The following RSU1 variants were observed in gnomAD, a reference collection of about 807,000 sequenced individuals.
RSU1 encodes the protein Ras suppressor protein 1.
A neutral mutation model predicts 31.1 loss-of-function variants in RSU1; 26 were observed. The ratio of observed to expected loss-of-function variants is 0.84; its 90% CI spans 0.61 to 1.16. The LOEUF is 1.16. Ranked by LOEUF, RSU1 falls within the 50% of genes most tolerant of loss-of-function variation. RSU1 has a pLI of 0.00. For missense variants in RSU1, 320 were observed against 339.1 expected, an observed-to-expected ratio of 0.94 and a Z score of 0.44; for synonymous variants, 164 against 136.3, an observed-to-expected ratio of 1.20 and a Z score of -1.41.
chr10:16,788,540 A>G lies in RSU1; in HGVS notation c.110-6456T>C, dbSNP rs919621885. Among the ~76,000 whole-genome samples, 24 of 152,284 alleles carry G rather than the reference A, an allele frequency of 1.6e-4. No individual in the cohort carries two copies. The Middle Eastern group carries it at 0.01, about 65-fold the overall frequency. ...AGTAAGACAGCCCTCACCGGACACAATGCATCCGTCAGTACCTTGATCTTG... is the reference window on the plus strand; with the variant it reads ...AGTAAGACAGCCCTCACCGGACACAGTGCATCCGTCAGTACCTTGATCTTG... On this transcript the variant is annotated intron_variant, in intron 2 of 8. Transcript: ENST00000345264.
At chr10:16,784,376 C>T (rs575473644) in intron 2 of RSU1, among the ~76,000 whole-genome samples, 3 of 152,236 alleles carry the variant, frequency 2.0e-5, no homozygotes, top group Non-Finnish European at 4.4e-5. Context: ...TCTGGCATTG[C>T]TATAAAGAAA....
At chr10:16,598,391 A>G (rs1833657132) in intron 8 of RSU1, among the ~76,000 whole-genome samples, 1 of 151,872 alleles carries the variant, frequency 6.6e-6, no homozygotes, top group Non-Finnish European at 1.5e-5. Flanking sequence ...GTAAAGTAAA[A>G]AAAAAAAAAT....
chr10:16,726,914 C>A (rs45438691), intron 7 of RSU1: 2 of 385,762 alleles, frequency 5.2e-6, no homozygotes, highest in Admixed American at 5.7e-5. Context: ...TGCAGAAGGG[C>A]GTTGCATATG....
At chr10:16,748,027 CTG>C (rs1053281592) in intron 7 of RSU1, 1 of 152,244 alleles carries the variant, frequency 6.6e-6, no homozygotes, top group African/African-American at 2.4e-5. Context: ...ACATGAGACT[CTG>C]TGTCTAAATA....
intron 7 of RSU1, among the ~76,000 whole-genome samples, chr10:16,715,444 A>C (rs1158127718): frequency 6.6e-6 from 1 of 152,232 alleles, no homozygotes; most frequent in South Asian, 2.1e-4. Flanking sequence ...TAGTTCTTAC[A>C]TTTAGGTTTT....
chr10:16,715,295 T>C (rs1026221593), intron 7 of RSU1, among the ~76,000 whole-genome samples: 4 of 152,222 alleles, frequency 2.6e-5, no homozygotes, highest in Non-Finnish European at 4.4e-5. Flanking sequence ...TGCACAAAAT[T>C]CTTAAATTTT....
chr10:16,786,629 T>C (rs1173284874), intron 2 of RSU1, among the ~76,000 whole-genome samples: 1 of 152,100 alleles, frequency 6.6e-6, no homozygotes, highest in Admixed American at 6.5e-5. Flanking sequence ...TGTACTGATT[T>C]CACTGTCTAC....
At chr10:16,727,617 C>T (rs952371416) in intron 7 of RSU1, among the ~76,000 whole-genome samples, 7 of 152,166 alleles carry the variant, frequency 4.6e-5, no homozygotes, top group African/African-American at 7.2e-5. Flanking sequence ...GAGAACATTT[C>T]GTATTTTTCA....
intron 7 of RSU1, among the ~76,000 whole-genome samples, chr10:16,696,211 A>G (rs1762266906): frequency 6.6e-6 from 1 of 152,154 alleles, no homozygotes; most frequent in Admixed American, 6.5e-5. Flanking sequence ...GACACAGCAA[A>G]GATTTTTGCT....
intron 4 of RSU1, among the ~76,000 whole-genome samples, chr10:16,762,791 G>A (rs1179590980): frequency 1.3e-5 from 2 of 152,008 alleles, no homozygotes; most frequent in Non-Finnish European, 2.9e-5. Flanking sequence ...GGAGGCAGAC[G>A]GACATGAGGT....
chr10:16,672,150 A>G, intron 8 of RSU1, among the ~76,000 whole-genome samples: 1 of 150,970 alleles, frequency 6.6e-6, no homozygotes, highest in African/African-American at 2.4e-5. Context: ...TACAAAAAAA[A>G]AAAAAAAAAA....
At chr10:16,765,436 A>G (rs1265380559) in intron 3 of RSU1, among the ~76,000 whole-genome samples, 1 of 152,206 alleles carries the variant, frequency 6.6e-6, no homozygotes, top group Non-Finnish European at 1.5e-5. Context: ...TCAACTCAGT[A>G]GCATGCTATG....
chr10:16,805,666 C>CAAAAAAA (rs35267148), intron 2 of RSU1, among the ~76,000 whole-genome samples: 1 of 78,768 alleles, frequency 1.3e-5, no homozygotes, highest in Non-Finnish European at 2.9e-5. Context: ...GACTCCGTCT[C>CAAAAAAA]AAAAAAAAAA....
chr10:16,740,238 T>C (rs945414575), intron 7 of RSU1, among the ~76,000 whole-genome samples: 2 of 151,578 alleles, frequency 1.3e-5, no homozygotes, highest in African/African-American at 4.8e-5. Flanking sequence ...CAGAAATATA[T>C]AAAAAGGAAG....
At chr10:16,768,148 A>G (rs151168477) in intron 3 of RSU1, among the ~76,000 whole-genome samples, 169 of 152,296 alleles carry the variant, frequency 1.1e-3, no homozygotes, top group African/African-American at 3.9e-3. Flanking sequence ...CTGACCTATG[A>G]CACCAAAGGA....
chr10:16,591,547 C>A lies in RSU1; in HGVS notation c.*1847G>T, dbSNP rs1050496638. 1.3e-5 allele frequency: 2 copies of A among 152,144 alleles called. No individual in the cohort carries two copies. The highest frequency in any genetic ancestry group is 4.8e-5 in the African/African-American group (2 of 41,424). 9.4% of individuals were successfully genotyped at this position (152,144 alleles called of 1,614,324 possible). On this transcript the variant is annotated 3_prime_UTR_variant, in exon 9 of 9. Transcript: ENST00000345264. Reference sequence around the variant, plus strand: ...TTACTCCTCTTGCACTTAATACTGCCTTAAAAAATATTTGCACATTTCTCT... The same window carrying A: ...TTACTCCTCTTGCACTTAATACTGCATTAAAAAATATTTGCACATTTCTCT...
intron 8 of RSU1, among the ~76,000 whole-genome samples, chr10:16,648,141 T>G (rs1564299685): frequency 6.6e-6 from 1 of 151,300 alleles, no homozygotes. Context: ...AATTTTTTTT[T>G]TTTTTTAAGA....
chr10:16,657,070 C>T (rs1834797323), intron 8 of RSU1, among the ~76,000 whole-genome samples: 1 of 152,122 alleles, frequency 6.6e-6, no homozygotes, highest in Non-Finnish European at 1.5e-5. Context: ...GTCAGTGTAA[C>T]AAGCTGAAAA....
chr10:16,619,407 G>T (rs1834032346), intron 8 of RSU1, among the ~76,000 whole-genome samples: 1 of 152,196 alleles, frequency 6.6e-6, no homozygotes, highest in Admixed American at 6.5e-5. Flanking sequence ...GGGAACAACT[G>T]CTGTGATTCA....
Sources: allele counts gnomAD v4.1 joint callset (sites outside exome capture counted in the v4.1 genomes callset), GRCh38; gene constraint gnomAD v4.1.1; transcripts MANE v1.5; gene names NCBI Gene and HGNC (gene_info 2026-07-23, HGNC 2026-07-21).